The following PIK3C2A variants were observed in gnomAD, a reference collection of about 807,000 sequenced individuals.
PIK3C2A encodes phosphatidylinositol 4-phosphate 3-kinase C2 domain-containing subunit alpha.
Under a neutral mutation model 204.5 loss-of-function variants are expected in PIK3C2A, and 97 were observed. The ratio of observed to expected loss-of-function variants is 0.47; its 90% CI spans 0.40 to 0.56. The LOEUF (loss-of-function observed/expected upper bound fraction) is 0.56. Among genes scored for constraint, PIK3C2A ranks in the 20% least tolerant of loss-of-function variants. PIK3C2A has a pLI of 0.00. For synonymous variants in PIK3C2A, 653 were observed against 664.4 expected (o/e 0.98, Z 0.26); for missense variants, 1,735 against 1,969.2 (o/e 0.88, Z 2.25).
At chr11:17,138,542 C>T (rs1849952134) in intron 8 of PIK3C2A, among the ~76,000 whole-genome samples, 1 of 152,132 alleles carries the variant, frequency 6.6e-6, no homozygotes, top group South Asian at 2.1e-4. Context: ...TTATCACAGT[C>T]CTCAGAGTGT....
In PIK3C2A at chr11:17,087,322, C is replaced by T. The variant is rs1466227628; in HGVS notation, c.*2416G>A. The T allele has an allele frequency of 1.1e-5, 1 of 90,852 alleles. No homozygotes were observed. Among genetic ancestry groups the T allele is most frequent in the African/African-American group, 2.7e-5 (1 of 36,694 alleles). 5.6% of individuals were successfully genotyped at this position (90,852 alleles called of 1,614,324 possible). ...ATAGTAGTAGTGCAAAGAGGCTCCA[C>T]TCTACTTTTTGGTACGGGCTGAAGA... On this transcript the variant is annotated 3_prime_UTR_variant, in exon 33 of 33. Coordinates refer to ENST00000691414, the MANE Select transcript of PIK3C2A (RefSeq NM_002645.4).
chr11:17,118,925 G>A (rs1849287022), intron 17 of PIK3C2A, among the ~76,000 whole-genome samples, 186 bp from the exon 18 acceptor site: 1 of 152,132 alleles, frequency 6.6e-6, no homozygotes, highest in Non-Finnish European at 1.5e-5. Flanking sequence ...AAAGTATAGA[G>A]TAACATTCAT....
At position 17,132,082 on chromosome 11, in the gene PIK3C2A, A is replaced by G. The variant is rs1565263472; in HGVS notation, c.2109-44T>C. 4 of 1,193,752 alleles carry G rather than the reference A, an allele frequency of 3.4e-6. No homozygotes were observed. In the South Asian group the frequency reaches 4.1e-5, roughly 12 times the overall value. The allele number at this position is 1,193,752 out of a possible 1,614,324, so 73.9% of individuals were successfully genotyped here. A position where few individuals can be genotyped will look rare whatever the true frequency, so the allele number is the denominator to read the frequency against. ...ACTTGATTTCTATCATGATAATACAAATTAGTTAACTAATACAAATACATT... is the reference window on the plus strand; with the variant it reads ...ACTTGATTTCTATCATGATAATACAGATTAGTTAACTAATACAAATACATT... On this transcript the variant is annotated intron_variant, in intron 11 of 32. Transcript: ENST00000691414.
At chr11:17,128,888 G>A (rs1457105980) in intron 13 of PIK3C2A, among the ~76,000 whole-genome samples, 1 of 152,122 alleles carries the variant, frequency 6.6e-6, no homozygotes, top group Non-Finnish European at 1.5e-5. Context: ...ATTAAGGAAG[G>A]GAATAATGTG....
At chr11:17,157,670 A>T (rs906341121) in intron 2 of PIK3C2A, among the ~76,000 whole-genome samples, 3 of 152,088 alleles carry the variant, frequency 2.0e-5, no homozygotes, top group African/African-American at 7.2e-5. Flanking sequence ...GGTTGTGAGA[A>T]GTTTGTTTCT....
At chr11:17,131,175 C>G (rs1012474960) in intron 12 of PIK3C2A, among the ~76,000 whole-genome samples, 2 of 152,008 alleles carry the variant, frequency 1.3e-5, no homozygotes, top group Non-Finnish European at 2.9e-5. Flanking sequence ...GCAACAAGGG[C>G]AAAACTCCGC....
At chr11:17,143,044 A>G (rs1217227401) in intron 8 of PIK3C2A, among the ~76,000 whole-genome samples, 1 of 151,902 alleles carries the variant, frequency 6.6e-6, no homozygotes, top group Admixed American at 6.6e-5. Flanking sequence ...GCAAAATACA[A>G]TTTATATTCT....
intron 1 of PIK3C2A, among the ~76,000 whole-genome samples, chr11:17,190,188 G>A (rs1851893320): frequency 1.3e-5 from 2 of 151,624 alleles, no homozygotes; most frequent in Admixed American, 1.3e-4. Context: ...GCTTGAACCT[G>A]GGAGGCAGAG....
chr11:17,164,345 C>T (rs1850878873), intron 2 of PIK3C2A, among the ~76,000 whole-genome samples: 1 of 142,244 alleles, frequency 7.0e-6, no homozygotes. Context: ...CAGTGTGAGA[C>T]CCTGTCTTAA....
chr11:17,168,319 C>A (rs902694635), intron 2 of PIK3C2A, among the ~76,000 whole-genome samples: 5 of 152,148 alleles, frequency 3.3e-5, no homozygotes, highest in Non-Finnish European at 7.3e-5. Context: ...CAGTGGCTCA[C>A]GCCTGTAATC....
chr11:17,127,331 C>CA (rs1233523983), intron 13 of PIK3C2A, among the ~76,000 whole-genome samples: 1 of 151,394 alleles, frequency 6.6e-6, no homozygotes, highest in East Asian at 1.9e-4. Flanking sequence ...CTTTTGGAGA[C>CA]AGAGTCTCGC....
chr11:17,115,372 G>GAAAAA (rs58726258), intron 19 of PIK3C2A, among the ~76,000 whole-genome samples: 4 of 84,600 alleles, frequency 4.7e-5, no homozygotes, highest in Non-Finnish European at 4.5e-5. Flanking sequence ...GTCCCTACAA[G>GAAAAA]AAAAAAAAAA....
chr11:17,112,150 T>C (rs1048139555), intron 21 of PIK3C2A, among the ~76,000 whole-genome samples: 2 of 151,982 alleles, frequency 1.3e-5, no homozygotes, highest in Non-Finnish European at 2.9e-5. Flanking sequence ...CAAATCATGA[T>C]CAAAACACGT....
At chr11:17,203,037 T>A (rs565187203) in intron 1 of PIK3C2A, among the ~76,000 whole-genome samples, 1 of 152,234 alleles carries the variant, frequency 6.6e-6, no homozygotes, top group Non-Finnish European at 1.5e-5. Flanking sequence ...TTCAAATCTA[T>A]TAAAAGAGGA....
chr11:17,112,224 G>A (rs1236703770), intron 21 of PIK3C2A, among the ~76,000 whole-genome samples: 2 of 152,112 alleles, frequency 1.3e-5, no homozygotes, highest in East Asian at 1.9e-4. Context: ...GGCCGAGGTG[G>A]GTGGATCACC....
chr11:17,157,453 C>A (rs1185909343), intron 2 of PIK3C2A, among the ~76,000 whole-genome samples: 6 of 93,724 alleles, frequency 6.4e-5, no homozygotes, highest in African/African-American at 3.1e-4. Context: ...AAGTGAGACT[C>A]TGTCTCAAAA....
chr11:17,198,069 T>C (rs984944675), intron 1 of PIK3C2A, among the ~76,000 whole-genome samples: 19 of 151,976 alleles, frequency 1.3e-4, no homozygotes, highest in Admixed American at 1.1e-3. Context: ...AAGAACCATG[T>C]AGCAGCAAGC....
At chr11:17,110,817 T>C (rs1341351017) in intron 21 of PIK3C2A, among the ~76,000 whole-genome samples, 1 of 152,212 alleles carries the variant, frequency 6.6e-6, no homozygotes, top group Non-Finnish European at 1.5e-5. Flanking sequence ...TAGGGAAAGG[T>C]ACTTAACCTC....
At chr11:17,180,015 T>C (rs761544661) in intron 1 of PIK3C2A, among the ~76,000 whole-genome samples, 2 of 152,206 alleles carry the variant, frequency 1.3e-5, no homozygotes, top group South Asian at 2.1e-4. Flanking sequence ...AGAAGCCATA[T>C]GTAAAAGATT....
Sources: allele counts gnomAD v4.1 joint callset (sites outside exome capture counted in the v4.1 genomes callset), GRCh38; gene constraint gnomAD v4.1.1; transcripts MANE v1.5; gene names NCBI Gene and HGNC (gene_info 2026-07-23, HGNC 2026-07-21).